The following DUSP22 variants were observed in gnomAD, a reference collection of about 807,000 sequenced individuals.
DUSP22 encodes dual specificity protein phosphatase 22.
A neutral mutation model predicts 24.5 loss-of-function variants in DUSP22; 24 were observed. The observed-to-expected ratio is 0.98, with a 90% CI of 0.71 to 1.38. DUSP22 has a LOEUF of 1.38. DUSP22 is among the 40% of genes most tolerant of loss of function. DUSP22 has a pLI of 0.00. For missense variants in DUSP22, 330 were observed against 269.2 expected (o/e 1.23, Z -1.58); for synonymous variants, 160 against 106.4 (o/e 1.50, Z -3.10).
At chr6:295,284 A>G (rs1757271477) in intron 1 of DUSP22, among the ~76,000 whole-genome samples, 1 of 152,290 alleles carries the variant, frequency 6.6e-6, no homozygotes, top group African/African-American at 2.4e-5. Flanking sequence ...TCTGGTCTAA[A>G]CAGTGCACGC....
Position 304,621 on chromosome 6 carries a change from C to G in DUSP22, c.22-7C>G, listed in dbSNP as rs781191751. 3.1e-6 allele frequency: 5 copies of G among 1,614,140 alleles called. No homozygotes were observed. In the Admixed American group the frequency reaches 5.0e-5, roughly 16 times the overall value. On this transcript the variant is annotated splice_polypyrimidine_tract_variant and splice_region_variant and intron_variant, in intron 1 of 6. Transcript: ENST00000419235. The stretch of plus-strand genomic sequence containing the variant: ...CATGCTCATGTCTGTGTCTGTCTCT[C>G]TCCTAGATCCTGCCCGGCCTGTACA...
intron 1 of DUSP22, among the ~76,000 whole-genome samples, chr6:295,852 T>A (rs944583674): frequency 1.3e-5 from 2 of 152,206 alleles, no homozygotes; most frequent in Admixed American, 6.5e-5. Context: ...CCATTTTTTT[T>A]AACACTTTAT....
In DUSP22 at chr6:327,597, A is replaced by G. The variant is rs1158379838; in HGVS notation, c.139-7517A>G. Among the ~76,000 whole-genome samples, 4 of 152,422 alleles carry G rather than the reference A, an allele frequency of 2.6e-5. No homozygotes were observed. In the East Asian group the frequency reaches 7.7e-4, roughly 29 times the overall value. On this transcript the variant is annotated intron_variant, in intron 3 of 6. Coordinates refer to ENST00000419235, the MANE Select transcript of DUSP22 (RefSeq NM_001286555.3). ...GTCTAGTGAGAGAGACTGGCCCTTCACACGCAGTGCCAGTCCTCTGTGCCA... is the reference window on the plus strand; with the variant it reads ...GTCTAGTGAGAGAGACTGGCCCTTCGCACGCAGTGCCAGTCCTCTGTGCCA...
At chr6:312,895 G>T (rs1367924741) in intron 3 of DUSP22, among the ~76,000 whole-genome samples, 2 of 152,264 alleles carry the variant, frequency 1.3e-5, no homozygotes, top group African/African-American at 4.8e-5. Context: ...GAGAATCATA[G>T]GTGGTGAACA....
intron 3 of DUSP22, among the ~76,000 whole-genome samples, chr6:318,148 A>G (rs1758419415): frequency 6.6e-6 from 1 of 152,308 alleles, no homozygotes; most frequent in South Asian, 2.1e-4. Flanking sequence ...TGTTACAACC[A>G]GTAATCCCCT....
chr6:307,450 G>A (rs934355756), intron 2 of DUSP22, among the ~76,000 whole-genome samples: 5 of 152,304 alleles, frequency 3.3e-5, no homozygotes, highest in Admixed American at 3.3e-4. Context: ...GTAGCGCCTG[G>A]TGATTTTTGC....
intron 1 of DUSP22, 127 bp downstream of exon 1, chr6:292,687 A>T: frequency 7.5e-7 from 1 of 1,334,088 alleles, no homozygotes; most frequent in Non-Finnish European, 9.7e-7. Flanking sequence ...GCGCGGAGGG[A>T]GGGGCGGCGC....
At position 335,181 on chromosome 6, in the gene DUSP22, G is replaced by A; in HGVS notation, c.188+18G>A. The A allele has an allele frequency of 6.2e-7, 1 of 1,612,198 alleles. No homozygotes were observed. The highest frequency in any genetic ancestry group is 8.5e-7 in the Non-Finnish European group (1 of 1,178,286). ...CAAAACCTGTAAGTTTCTTATTTCT[G>A]TATTATTTGGAGACATTTAAAAAAA... On this transcript the variant is annotated intron_variant, in intron 4 of 6. Transcript: ENST00000419235.
At chr6:322,616 G>A (rs1478312800) in intron 3 of DUSP22, among the ~76,000 whole-genome samples, 1 of 152,310 alleles carries the variant, frequency 6.6e-6, no homozygotes, top group South Asian at 2.1e-4. Context: ...ATTCTGTAAG[G>A]CGTTTGAAAG....
rs2127423367 is a variant in DUSP22, at chr6:348,153, C to T, written c.314C>T (p.Thr105Ile). Residue 105 changes from threonine (T) to isoleucine (I), a missense_variant, in exon 6 of 7, where the codon ACC becomes ATC. By Grantham distance (89) the Thr-to-Ile change is moderately conservative. Coordinates refer to ENST00000419235, the MANE Select transcript of DUSP22 (RefSeq NM_001286555.3). Reference protein sequence around the residue: ...SVTLVIAYIMTVTDFGWEDAL... With the variant: ...SVTLVIAYIMIVTDFGWEDAL... ...ACACTGGTGATCGCATACATCATGA[C>T]CGTCACTGACTTTGGCTGGGAGGAT... 5 of 1,614,308 alleles carry T rather than the reference C, an allele frequency of 3.1e-6. No individual in the cohort carries two copies. The highest frequency in any genetic ancestry group is 1.1e-5 in the South Asian group (1 of 91,092).
chr6:317,905 A>G (rs1399858416), intron 3 of DUSP22, among the ~76,000 whole-genome samples: 1 of 152,302 alleles, frequency 6.6e-6, no homozygotes, highest in East Asian at 1.9e-4. Flanking sequence ...ATCATGTCTC[A>G]TCACGTCTTT....
In DUSP22 at chr6:334,033, T is replaced by TTA. The variant is rs1372442646; in HGVS notation, c.139-1080_139-1079dup. Among the ~76,000 whole-genome samples the TTA allele has an allele frequency of 2.0e-5, 3 of 152,292 alleles. No individual in the cohort carries two copies. The East Asian group carries it at 5.8e-4, about 29-fold the overall frequency. On this transcript the variant is annotated intron_variant, in intron 3 of 6. Transcript: ENST00000419235. ...GCACAGAAATTCCTAACAATAGGAG[T>TTA]TAATGGTAAAAGTTTAATTAAAAAT...
intron 3 of DUSP22, among the ~76,000 whole-genome samples, chr6:322,830 T>TGGGGGGGGGGGGG (rs61690495): frequency 5.3e-5 from 1 of 18,798 alleles, no homozygotes; most frequent in African/African-American, 1.8e-4. Context: ...GGCTGCTTGG[T>TGGGGGGGGGGGGG]GGGGCGGGGG....
intron 3 of DUSP22, among the ~76,000 whole-genome samples, chr6:328,858 A>G (rs1268926409): frequency 4.6e-5 from 7 of 152,292 alleles, no homozygotes; most frequent in Admixed American, 6.5e-5. Flanking sequence ...GACCTTGCCT[A>G]TTTTTTGTGT....
chr6:310,339 T>G (rs146278328), intron 2 of DUSP22, among the ~76,000 whole-genome samples: 86 of 152,372 alleles, frequency 5.6e-4, no homozygotes, highest in African/African-American at 2.0e-3. Context: ...TGTAGGGAAG[T>G]GGACCTCCTC....
chr6:319,302 A>G (rs918650492), intron 3 of DUSP22, among the ~76,000 whole-genome samples: 8 of 152,414 alleles, frequency 5.2e-5, no homozygotes, highest in South Asian at 2.1e-4. Flanking sequence ...GCCTGGCTGG[A>G]AGGTGATCTG....
At chr6:320,563 G>C (rs1336165020) in intron 3 of DUSP22, among the ~76,000 whole-genome samples, 1 of 152,306 alleles carries the variant, frequency 6.6e-6, no homozygotes, top group Non-Finnish European at 1.5e-5. Context: ...GTTGCCTTTG[G>C]GTGCCAAAGT....
chr6:319,076 T>C (rs936641400), intron 3 of DUSP22, among the ~76,000 whole-genome samples: 1 of 152,270 alleles, frequency 6.6e-6, no homozygotes, highest in Non-Finnish European at 1.5e-5. Flanking sequence ...ACTGGTGATT[T>C]CCTAGAGAAC....
chr6:327,817 G>A (rs567976474), intron 3 of DUSP22, among the ~76,000 whole-genome samples: 2 of 152,430 alleles, frequency 1.3e-5, no homozygotes, highest in South Asian at 2.1e-4. Flanking sequence ...CAGGATGGCC[G>A]GGAGCAGGGA....
Sources: allele counts gnomAD v4.1 joint callset (sites outside exome capture counted in the v4.1 genomes callset), GRCh38; gene constraint gnomAD v4.1.1; transcripts MANE v1.5; gene names NCBI Gene and HGNC (gene_info 2026-07-23, HGNC 2026-07-21).